CUBN: variants seen among roughly 807,000 people sequenced by gnomAD.
CUBN encodes the protein cubilin.
CUBN carries 282 observed loss-of-function variants against 405.3 expected under a neutral mutation model. That is an observed-to-expected ratio of 0.70 (90% CI 0.63 to 0.77). The LOEUF (loss-of-function observed/expected upper bound fraction) is 0.77, where lower values mean the gene tolerates loss of function less well. Among genes scored for constraint, CUBN ranks in the 30% least tolerant of loss-of-function variants. CUBN has a pLI of 0.00. For synonymous variants in CUBN, 1,684 were observed against 1,617.0 expected, an observed-to-expected ratio of 1.04 and a Z score of -0.99; for missense variants, 4,514 against 4,475.2, an observed-to-expected ratio of 1.01 and a Z score of -0.25.
At chr10:17,106,157 C>T (rs558842587) in intron 10 of CUBN, among the ~76,000 whole-genome samples, 8 of 151,508 alleles carry the variant, frequency 5.3e-5, no homozygotes, top group African/African-American at 7.3e-5. Flanking sequence ...TGGTGGCACA[C>T]GCCTGTAATC....
intron 33 of CUBN, among the ~76,000 whole-genome samples, chr10:16,950,990 C>G (rs1471990707): frequency 6.6e-6 from 1 of 152,162 alleles, no homozygotes; most frequent in African/African-American, 2.4e-5. Context: ...AGACATTTAT[C>G]AAGAAAGTTT....
intron 59 of CUBN, among the ~76,000 whole-genome samples, chr10:16,856,209 T>C (rs1839865345): frequency 6.6e-6 from 1 of 152,176 alleles, no homozygotes; most frequent in Non-Finnish European, 1.5e-5. Context: ...CAATCCATCA[T>C]TTCCTCATTA....
At chr10:17,057,666 T>G (rs1277081605) in intron 22 of CUBN, among the ~76,000 whole-genome samples, 4 of 152,048 alleles carry the variant, frequency 2.6e-5, no homozygotes, top group Non-Finnish European at 4.4e-5. Context: ...TAGCTTTTTT[T>G]GTAATAGCTA....
At chr10:16,895,092 T>C (rs758761323) in intron 54 of CUBN, among the ~76,000 whole-genome samples, 2 of 152,202 alleles carry the variant, frequency 1.3e-5, no homozygotes, top group African/African-American at 4.8e-5. Flanking sequence ...TTGTTTTAAT[T>C]AGCTGCTCCA....
At chr10:16,964,738 C>T (rs1307419053) in intron 31 of CUBN, among the ~76,000 whole-genome samples, 1 of 152,204 alleles carries the variant, frequency 6.6e-6, no homozygotes, top group African/African-American at 2.4e-5. Context: ...AGCCAGATGG[C>T]TACTAACGCC....
chr10:16,825,155 G>C (rs1838737852), intron 66 of CUBN, 73 bp from the exon 67 acceptor site: 3 of 1,004,604 alleles, frequency 3.0e-6, no homozygotes, highest in East Asian at 2.6e-5. Context: ...TGTTAGCCTA[G>C]TAACAAAGTA....
At position 17,127,264 on chromosome 10, in the gene CUBN, CT is replaced by C. The variant is rs34414528; in HGVS notation, c.349-466del. On this transcript the variant is annotated intron_variant, in intron 3 of 66. Coordinates refer to ENST00000377833, the MANE Select transcript of CUBN (RefSeq NM_001081.4). ...TCTTTCTGTCTCTCTCTCTCTCTTT[CT>C]TTTTTTTTTTTTTTTTTTCTGGCAA... Among the ~76,000 whole-genome samples the C allele has an allele frequency of 2.3e-3, 192 of 82,826 alleles. 1 individual carries two copies. Among genetic ancestry groups the C allele is most frequent in the African/African-American group, 8.9e-3 (164 of 18,384 alleles). 54.3% of individuals were successfully genotyped at this position (82,826 alleles called of 152,430 possible).
intron 22 of CUBN, among the ~76,000 whole-genome samples, chr10:17,050,234 T>C (rs1352064026): frequency 6.6e-6 from 1 of 152,194 alleles, no homozygotes; most frequent in East Asian, 1.9e-4. Flanking sequence ...GCAACTGTAC[T>C]AAACTAGCTG....
chr10:16,883,815 G>A (rs147789175), intron 56 of CUBN, among the ~76,000 whole-genome samples: 9 of 152,118 alleles, frequency 5.9e-5, no homozygotes, highest in Non-Finnish European at 1.2e-4. Flanking sequence ...CGAGCTAAGC[G>A]CTGCTGCACC....
In CUBN at chr10:16,831,132, C is replaced by G. The variant is rs1040431984; in HGVS notation, c.10528+120G>C. 3.4e-6 allele frequency: 3 copies of G among 875,304 alleles called. No homozygotes were observed. The African/African-American group carries it at 5.1e-5, about 15-fold the overall frequency. The allele number at this position is 875,304 out of a possible 1,614,324, so 54.2% of individuals were successfully genotyped here. A position where few individuals can be genotyped will look rare whatever the true frequency, so the allele number is the denominator to read the frequency against. On this transcript the variant is annotated intron_variant, in intron 65 of 66. Coordinates refer to ENST00000377833, the MANE Select transcript of CUBN (RefSeq NM_001081.4). ...TACTTTCAATGTTAAAATCTCTATT[C>G]TTAACATAAACTAATCAGGTACACA...
chr10:16,933,280 A>G lies in CUBN; in HGVS notation c.5931T>C (p.Ala1977=). ...DGVLPTIAPG[A]CGGFLRTGDA... ...CTCCCGTCCTCAGGAAGCCACCACA[A>G]GCACCTGTAGAATAGAAAGCAACAT... is the stretch of plus-strand genomic sequence containing the variant. Residue 1977 remains alanine (A), a synonymous_variant, in exon 40 of 67, where the codon GCT becomes GCC. Transcript: ENST00000377833. 1 of 1,613,404 alleles carries G rather than the reference A, an allele frequency of 6.2e-7. No homozygotes were observed. The highest frequency in any genetic ancestry group is 1.1e-5 in the South Asian group (1 of 91,056).
chr10:16,840,574 T>C, intron 61 of CUBN, 39 bp from the exon 62 acceptor site: 1 of 1,468,526 alleles, frequency 6.8e-7, no homozygotes. Flanking sequence ...AGACATTTTA[T>C]TCATGTCTCA....
intron 14 of CUBN, among the ~76,000 whole-genome samples, 176 bp from the exon 15 acceptor site, chr10:17,088,521 A>G (rs993882903): frequency 6.6e-6 from 1 of 152,246 alleles, no homozygotes. Context: ...TTACAAGTCT[A>G]GAAGTATCAA....
At chr10:17,073,508 G>A (rs929172735) in intron 17 of CUBN, among the ~76,000 whole-genome samples, 3 of 144,296 alleles carry the variant, frequency 2.1e-5, no homozygotes, top group Non-Finnish European at 4.5e-5. Context: ...GTGCAATGGC[G>A]TGATCTCAGT....
Position 16,948,506 on chromosome 10 carries a change from G to C in CUBN, c.5181C>G (p.Phe1727Leu), listed in dbSNP as rs556786342. The change falls in exon 35 of 67, where the codon TTC (phenylalanine) becomes TTG (leucine). Residue 1727 changes from phenylalanine to leucine, a missense_variant. By Grantham distance (22) the Phe-to-Leu change is conservative. Transcript: ENST00000377833. ...ACACTGATGCGGTGACCGTGGTGTG[G>C]AAACCCCCAGCACTGATGCTAGAAT... is the stretch of plus-strand genomic sequence containing the variant. ...VSDSSISAGG[F>L]HTTVTASVSA... The C allele has an allele frequency of 6.2e-7, 1 of 1,614,004 alleles. No individual in the cohort carries two copies. The highest frequency in any genetic ancestry group is 8.5e-7 in the Non-Finnish European group (1 of 1,179,956).
chr10:16,934,110 A>G (rs1842433698), intron 39 of CUBN, among the ~76,000 whole-genome samples: 1 of 152,180 alleles, frequency 6.6e-6, no homozygotes, highest in South Asian at 2.1e-4. Flanking sequence ...TTTCACAGCT[A>G]CTGTGGTCAT....
At chr10:17,089,750 T>C (rs1021878401) in intron 14 of CUBN, among the ~76,000 whole-genome samples, 4 of 152,176 alleles carry the variant, frequency 2.6e-5, no homozygotes, top group African/African-American at 7.2e-5. Flanking sequence ...ATTGGAAAGA[T>C]ATCGCAAAGG....
At chr10:17,076,775 C>A (rs189494779) in intron 17 of CUBN, among the ~76,000 whole-genome samples, 36 of 152,316 alleles carry the variant, frequency 2.4e-4, no homozygotes, top group Admixed American at 3.9e-4. Flanking sequence ...ACTTTTCCCC[C>A]AGCAAGCTCT....
At chr10:17,090,153 G>C (rs1310606788) in intron 14 of CUBN, among the ~76,000 whole-genome samples, 1 of 152,014 alleles carries the variant, frequency 6.6e-6, no homozygotes, top group Non-Finnish European at 1.5e-5. Context: ...TCCGTCAATA[G>C]AGTATTGATT....
Sources: allele counts gnomAD v4.1 joint callset (sites outside exome capture counted in the v4.1 genomes callset), GRCh38; gene constraint gnomAD v4.1.1; transcripts MANE v1.5; gene names NCBI Gene and HGNC (gene_info 2026-07-23, HGNC 2026-07-21).